The following SMIM31 variants were observed in gnomAD, a reference collection of about 807,000 sequenced individuals.
The protein encoded by SMIM31 is human epithelial cell program regulator.
chr4:164,755,631 A>T (rs1331866917), intron 1 of SMIM31, among the ~76,000 whole-genome samples: 1 of 141,850 alleles, frequency 7.0e-6, no homozygotes, highest in Non-Finnish European at 1.5e-5. Context: ...CAACCTGCAA[A>T]TCTGAGCTGA....
intron 1 of SMIM31, among the ~76,000 whole-genome samples, chr4:164,765,541 G>C (rs1237521105): frequency 6.8e-6 from 1 of 147,540 alleles, no homozygotes; most frequent in Non-Finnish European, 1.5e-5. Context: ...ACTGGTTTCA[G>C]ATTATTTAAA....
intron 2 of SMIM31, among the ~76,000 whole-genome samples, chr4:164,775,934 A>G (rs139459385): frequency 2.0e-3 from 297 of 152,256 alleles, no homozygotes; most frequent in African/African-American, 6.8e-3. Flanking sequence ...ATACTCCAAT[A>G]CTTTGCATTC....
At chr4:164,757,120 C>A (rs180908751) in intron 1 of SMIM31, among the ~76,000 whole-genome samples, 11 of 152,230 alleles carry the variant, frequency 7.2e-5, no homozygotes, top group Admixed American at 6.5e-4. Context: ...AGTGGTTAGG[C>A]AATGCTATCT....
chr4:164,777,798 C>G (rs1285113400), intron 2 of SMIM31, among the ~76,000 whole-genome samples: 1 of 152,176 alleles, frequency 6.6e-6, no homozygotes, highest in Non-Finnish European at 1.5e-5. Flanking sequence ...AGAAAGTAAG[C>G]CCAAGGCTGG....
chr4:164,783,023 G>A (rs1246362938), intron 2 of SMIM31, among the ~76,000 whole-genome samples: 4 of 151,546 alleles, frequency 2.6e-5, no homozygotes, highest in Admixed American at 1.3e-4. Context: ...TTCGAGACCA[G>A]CCTGGCCGAC....
At chr4:164,760,444 A>G (rs1164594659) in intron 1 of SMIM31, among the ~76,000 whole-genome samples, 2 of 152,102 alleles carry the variant, frequency 1.3e-5, no homozygotes, top group African/African-American at 4.8e-5. Flanking sequence ...GATAAAGCCA[A>G]TAGGGGCCAG....
chr4:164,777,765 G>A (rs1473752493), intron 2 of SMIM31, among the ~76,000 whole-genome samples: 5 of 152,172 alleles, frequency 3.3e-5, no homozygotes, highest in African/African-American at 9.7e-5. Context: ...TGGTGACTTC[G>A]TCCATGATGC....
At chr4:164,796,503 A>G (rs1406403248) in intron 2 of SMIM31, among the ~76,000 whole-genome samples, 1 of 152,142 alleles carries the variant, frequency 6.6e-6, no homozygotes, top group Non-Finnish European at 1.5e-5. Flanking sequence ...GCTTTAAACA[A>G]CATCTGTAAA....
In SMIM31 at chr4:164,801,350, C is replaced by T. The variant is rs1296563061; in HGVS notation, c.*156C>T. The T allele has an allele frequency of 2.6e-6, 1 of 385,154 alleles. No individual in the cohort carries two copies. The highest frequency in any genetic ancestry group is 2.1e-5 in the African/African-American group (1 of 48,192). The allele number at this position is 385,154 out of a possible 1,614,324, so 23.9% of individuals were successfully genotyped here. On this transcript the variant is annotated 3_prime_UTR_variant, in exon 3 of 3. Transcript: ENST00000507311. ...AATAACCATTAATGAACTCAATACT[C>T]GGGAAAGGCTTCACATTTCTGGGAC...
rs565795386 is a variant in SMIM31, at chr4:164,786,268, A to C, written c.113-14823A>C. Among the ~76,000 whole-genome samples, 826 of 152,298 alleles carry C rather than the reference A, an allele frequency of 5.4e-3. 7 individuals are homozygous for C. Among genetic ancestry groups the C allele is most frequent in the African/African-American group, 0.019 (776 of 41,572 alleles). ...CAGCAGTTACAGCCTTTGTGGCTCC[A>C]GTTTTATGTAACAAGTTATATTTAA... is the stretch of plus-strand genomic sequence containing the variant. On this transcript the variant is annotated intron_variant, in intron 2 of 2. Transcript: ENST00000507311.
chr4:164,790,588 C>T (rs7675184), intron 2 of SMIM31, among the ~76,000 whole-genome samples: 81,764 of 151,432 alleles, frequency 0.54, 22,674 homozygotes, highest in South Asian at 0.63. Flanking sequence ...AAAAACAAAA[C>T]ACAGAAAACC....
intron 2 of SMIM31, among the ~76,000 whole-genome samples, chr4:164,773,942 G>C (rs889441842): frequency 2.0e-5 from 3 of 152,050 alleles, no homozygotes; most frequent in African/African-American, 7.2e-5. Context: ...CGAGGCGGGC[G>C]GATCACAAGG....
chr4:164,773,948 C>T (rs1403519487), intron 2 of SMIM31, among the ~76,000 whole-genome samples: 1 of 152,192 alleles, frequency 6.6e-6, no homozygotes, highest in South Asian at 2.1e-4. Flanking sequence ...GGGCGGATCA[C>T]AAGGTCAGGA....
Position 164,762,061 on chromosome 4 carries a change from T to A in SMIM31, c.-26+7650T>A, listed in dbSNP as rs192396804. ...GGAGGAGAAACGTGAAAGAGTCACC[T>A]CACCTCTCCACATGCCACCACCCCC... On this transcript the variant is annotated intron_variant, in intron 1 of 2. Coordinates refer to ENST00000507311, the MANE Select transcript of SMIM31 (RefSeq NM_001352885.1). 3.1e-4 allele frequency among the ~76,000 whole-genome samples: 47 copies of A among 152,254 alleles called. 1 individual carries two copies. Among genetic ancestry groups the A allele is most frequent in the African/African-American group, 1.0e-3 (43 of 41,552 alleles).
intron 2 of SMIM31, among the ~76,000 whole-genome samples, chr4:164,785,075 AG>A (rs1237795064): frequency 6.6e-6 from 1 of 151,702 alleles, no homozygotes. Context: ...AATACAAAAA[AG>A]TTAGCCGGGT....
chr4:164,795,266 A>G (rs1203364825), intron 2 of SMIM31, among the ~76,000 whole-genome samples: 1 of 152,152 alleles, frequency 6.6e-6, no homozygotes, highest in Non-Finnish European at 1.5e-5. Flanking sequence ...AATAAGAGCT[A>G]CTTCGCAGGA....
At chr4:164,800,282 T>C (rs1733265522) in intron 2 of SMIM31, among the ~76,000 whole-genome samples, 1 of 151,990 alleles carries the variant, frequency 6.6e-6, no homozygotes, top group Non-Finnish European at 1.5e-5. Flanking sequence ...CTATCTCAGC[T>C]CTCTGCAATC....
chr4:164,801,406 C>A lies in SMIM31; in HGVS notation c.*212C>A. ...ATTATCCAAAATATCTATTAAGAGC[C>A]ATACACCATTCTAGCTGCAATTGAT... On this transcript the variant is annotated 3_prime_UTR_variant, in exon 3 of 3. Transcript: ENST00000507311. The A allele has an allele frequency of 1.2e-5, 4 of 341,700 alleles. No homozygotes were observed. The highest frequency in any genetic ancestry group is 4.3e-5 in the East Asian group (1 of 23,466). The allele number at this position is 341,700 out of a possible 1,614,324, so 21.2% of individuals were successfully genotyped here. A position where few individuals can be genotyped will look rare whatever the true frequency, so the allele number is the denominator to read the frequency against.
At chr4:164,758,543 G>A (rs1417914931) in intron 1 of SMIM31, among the ~76,000 whole-genome samples, 1 of 151,472 alleles carries the variant, frequency 6.6e-6, no homozygotes, top group African/African-American at 2.4e-5. Flanking sequence ...ACCTTTCTGG[G>A]CATTTTTATC....
Sources: allele counts gnomAD v4.1 joint callset (sites outside exome capture counted in the v4.1 genomes callset), GRCh38; gene constraint gnomAD v4.1.1; transcripts MANE v1.5; gene names NCBI Gene and HGNC (gene_info 2026-07-23, HGNC 2026-07-21).